Variants in ADAMTS17 observed in about 807,000 individuals in gnomAD.
ADAMTS17 encodes ADAM metallopeptidase with thrombospondin type 1 motif 17.
Under a neutral mutation model 141.5 loss-of-function variants are expected in ADAMTS17, and 113 were observed. The observed-to-expected ratio is 0.80, with a 90% CI of 0.69 to 0.93. The LOEUF (loss-of-function observed/expected upper bound fraction) is 0.93, where lower values mean the gene tolerates loss of function less well. Among genes scored for constraint, ADAMTS17 ranks in the 40% least tolerant of loss-of-function variants. The pLI is 0.00. For synonymous variants in ADAMTS17, 768 were observed against 630.6 expected, an observed-to-expected ratio of 1.22 and a Z score of -3.27; for missense variants, 1,659 against 1,517.9, an observed-to-expected ratio of 1.09 and a Z score of -1.54.
chr15:100,274,365 A>G (rs999692989), intron 4 of ADAMTS17, among the ~76,000 whole-genome samples: 1 of 152,192 alleles, frequency 6.6e-6, no homozygotes, highest in Admixed American at 6.5e-5. Context: ...AGATGTGTAA[A>G]TATTTATAAC....
At position 100,132,099 on chromosome 15, in the gene ADAMTS17, G is replaced by T; in HGVS notation, c.1629C>A (p.Asp543Glu). Reference sequence around the variant, plus strand: ...AGGCGCCCCACGGGCTCCAGTCTCCGTCCACATGCTCCGGGATGGGCGTCT... The same window carrying T: ...AGGCGCCCCACGGGCTCCAGTCTCCTTCCACATGCTCCGGGATGGGCGTCT... ...VSKTPIPEHV[D>E]GDWSPWGAWS... Residue 543 changes from aspartate (D) to glutamate (E), a missense_variant, in exon 12 of 22, where the codon GAC becomes GAA. Physicochemically the swap from Asp to Glu is conservative, Grantham distance 45. Transcript: ENST00000268070. 6.2e-7 allele frequency: 1 copy of T among 1,614,124 alleles called. No homozygotes were observed. The highest frequency in any genetic ancestry group is 8.5e-7 in the Non-Finnish European group (1 of 1,180,032).
At chr15:100,320,341 A>G (rs1025733536) in intron 3 of ADAMTS17, among the ~76,000 whole-genome samples, 2 of 152,222 alleles carry the variant, frequency 1.3e-5, no homozygotes, top group African/African-American at 4.8e-5. Context: ...CAGAATAAAC[A>G]TGGGAAGTCC....
chr15:100,310,639 G>C lies in ADAMTS17; in HGVS notation c.616+20250C>G, dbSNP rs190229354. ...CGAGACCTCTGTCCCTTCACAGCTG[G>C]TCCCAGGTTGCATCCACACCACCAC... On this transcript the variant is annotated intron_variant, in intron 3 of 21. Transcript: ENST00000268070. 5.4e-3 allele frequency among the ~76,000 whole-genome samples: 822 copies of C among 152,294 alleles called. 5 individuals are homozygous for C. Among genetic ancestry groups the C allele is most frequent in the African/African-American group, 0.019 (774 of 41,552 alleles).
chr15:100,087,829 G>A (rs990106712), intron 15 of ADAMTS17, among the ~76,000 whole-genome samples: 2 of 152,100 alleles, frequency 1.3e-5, no homozygotes, highest in Non-Finnish European at 1.5e-5. Context: ...GGTATTGATG[G>A]GACGTATCTC....
At chr15:100,306,492 A>G (rs2045230823) in intron 3 of ADAMTS17, 1 of 455,896 alleles carries the variant, frequency 2.2e-6, no homozygotes, top group Non-Finnish European at 4.4e-6. Context: ...ATCCACCTCC[A>G]GGCCAGACAC....
At chr15:100,167,648 C>T (rs753830532) in intron 8 of ADAMTS17, among the ~76,000 whole-genome samples, 2 of 152,132 alleles carry the variant, frequency 1.3e-5, no homozygotes, top group Admixed American at 6.5e-5. Context: ...GGATGGCATG[C>T]AGTGTAATTA....
chr15:100,099,996 T>C (rs1006408973), intron 14 of ADAMTS17, among the ~76,000 whole-genome samples: 1 of 152,188 alleles, frequency 6.6e-6, no homozygotes, highest in Non-Finnish European at 1.5e-5. Context: ...TCATCACACC[T>C]AGTGGACGTG....
chr15:100,296,182 A>T (rs114032213), intron 3 of ADAMTS17, among the ~76,000 whole-genome samples: 1,675 of 152,296 alleles, frequency 0.011, 31 homozygotes, highest in African/African-American at 0.033. Flanking sequence ...CAGGTGTCGT[A>T]CCGAGTTTGA....
intron 20 of ADAMTS17, among the ~76,000 whole-genome samples, chr15:99,984,219 G>A (rs149178843): frequency 8.5e-5 from 13 of 152,286 alleles, no homozygotes; most frequent in Non-Finnish European, 1.3e-4. Context: ...TGGCCTGCAG[G>A]GGCCGGGTCG....
Position 99,997,441 on chromosome 15 carries a change from G to A in ADAMTS17, c.2740C>T (p.Gln914Ter). ...AGGCAGTCCTGGCCTTCACAGCTCTGCACTGCCGCCGGCCGGGGGCCCGGG... is the reference window on the plus strand; with the variant it reads ...AGGCAGTCCTGGCCTTCACAGCTCTACACTGCCGCCGGCCGGGGGCCCGGG... ...YCPGPRPAAV[Q>*]SCEGQDCLSI... Residue 914 changes from glutamine (Q) to a stop codon, truncating the protein, a stop_gained, in exon 19 of 22, where the codon CAG (glutamine) becomes TAG (stop). Coordinates refer to ENST00000268070, the MANE Select transcript of ADAMTS17 (RefSeq NM_139057.4). LOFTEE classifies it high-confidence loss of function. The surrounding 1 kb of genome is among the most constrained non-coding windows in gnomAD (Gnocchi z 4.7). 1 of 1,613,688 alleles carries A rather than the reference G, an allele frequency of 6.2e-7. No homozygotes were observed. Among genetic ancestry groups the A allele is most frequent in the Non-Finnish European group, 8.5e-7 (1 of 1,179,994 alleles).
chr15:100,274,746 C>G (rs1453388123), intron 4 of ADAMTS17, among the ~76,000 whole-genome samples: 1 of 152,042 alleles, frequency 6.6e-6, no homozygotes, highest in Non-Finnish European at 1.5e-5. Flanking sequence ...GCTTTGGTTC[C>G]TCATTTCCTG....
chr15:100,000,267 G>T (rs764412684), intron 18 of ADAMTS17, among the ~76,000 whole-genome samples: 1 of 152,208 alleles, frequency 6.6e-6, no homozygotes, highest in East Asian at 1.9e-4. Context: ...ATTTCTCCTA[G>T]TTCTGGTCTT....
At chr15:100,092,740 C>A (rs1327401946) in intron 15 of ADAMTS17, among the ~76,000 whole-genome samples, 1 of 152,098 alleles carries the variant, frequency 6.6e-6, no homozygotes, top group Non-Finnish European at 1.5e-5. Flanking sequence ...CTCACCCCAC[C>A]CTTTCTTTTA....
At chr15:99,990,740 T>C (rs1232013780) in intron 20 of ADAMTS17, among the ~76,000 whole-genome samples, 1 of 152,026 alleles carries the variant, frequency 6.6e-6, no homozygotes, top group East Asian at 1.9e-4. Flanking sequence ...TGCCTTCCAA[T>C]GGAAAACCCA....
intron 8 of ADAMTS17, 120 bp from the exon 9 acceptor site, chr15:100,155,440 A>C: frequency 2.1e-6 from 3 of 1,409,322 alleles, no homozygotes; most frequent in Non-Finnish European, 2.9e-6. Flanking sequence ...ACGTAACGTG[A>C]AAGTGGTTCT....
At chr15:100,078,394 C>A (rs542651234) in intron 15 of ADAMTS17, among the ~76,000 whole-genome samples, 1 of 152,056 alleles carries the variant, frequency 6.6e-6, no homozygotes, top group South Asian at 2.1e-4. Flanking sequence ...TAAGGACAGT[C>A]GTTTCTAACA....
At chr15:100,036,255 C>T (rs750773895) in intron 18 of ADAMTS17, among the ~76,000 whole-genome samples, 4 of 152,200 alleles carry the variant, frequency 2.6e-5, no homozygotes, top group African/African-American at 9.6e-5. Context: ...AAGGGCCTGC[C>T]GAAGGGCAAC....
chr15:100,161,209 G>C (rs1246297580), intron 8 of ADAMTS17, among the ~76,000 whole-genome samples: 4 of 152,196 alleles, frequency 2.6e-5, no homozygotes, highest in Non-Finnish European at 4.4e-5. Context: ...CGAGTTCTGA[G>C]AGGATTCCCA....
chr15:99,974,658 T>G, intron 21 of ADAMTS17, 96 bp from the exon 22 acceptor site: 1 of 1,500,502 alleles, frequency 6.7e-7, no homozygotes, highest in Non-Finnish European at 9.3e-7. Context: ...CCGTCTGGGC[T>G]CCCTCACCCT....
Sources: allele counts gnomAD v4.1 joint callset (sites outside exome capture counted in the v4.1 genomes callset), GRCh38; gene constraint gnomAD v4.1.1; non-coding constraint Gnocchi (gnomAD v3.1); transcripts MANE v1.5; gene names NCBI Gene and HGNC (gene_info 2026-07-23, HGNC 2026-07-21).